The following NINL variants were observed in gnomAD, a reference collection of about 807,000 sequenced individuals.
NINL encodes ninein-like protein.
Under a neutral mutation model 160.3 loss-of-function variants are expected in NINL, and 153 were observed. That is an observed-to-expected ratio of 0.95 (90% CI 0.84 to 1.09). The LOEUF (loss-of-function observed/expected upper bound fraction) is 1.09. NINL is among the 50% of genes least tolerant of loss of function. The pLI is 0.00. For synonymous variants in NINL, 800 were observed against 734.8 expected (o/e 1.09, Z -1.43); for missense variants, 1,829 against 1,764.0 (o/e 1.04, Z -0.66).
chr20:25,468,613 T>C (rs1472165647), intron 18 of NINL, among the ~76,000 whole-genome samples: 9 of 89,970 alleles, frequency 1.0e-4, no homozygotes, highest in East Asian at 7.5e-4. Context: ...TCCTGTCCCC[T>C]GACTCTCACT....
chr20:25,474,849 G>T (rs976110106), intron 17 of NINL, among the ~76,000 whole-genome samples: 1 of 151,078 alleles, frequency 6.6e-6, no homozygotes, highest in Non-Finnish European at 1.5e-5. Flanking sequence ...GCAGTGGCGC[G>T]ATCTCAAAAC....
chr20:25,476,568 C>A lies in NINL; in HGVS notation c.2723G>T (p.Arg908Leu). The stretch of plus-strand genomic sequence containing the variant: ...CCCATCCACTCCACAGGGCTGCATG[C>A]GTGACCACCTCTCTGAGGGGCCGTG... The part of the protein sequence containing the change: ...ASHGPSERWS[R>L]MQPCGVDGDI... Residue 908 changes from arginine (R) to leucine (L), a missense_variant, in exon 17 of 24, where the codon CGC becomes CTC. By Grantham distance (102) the Arg-to-Leu change is moderately radical (BLOSUM62 -2). Coordinates refer to ENST00000278886, the MANE Select transcript of NINL (RefSeq NM_025176.6). 2 of 1,599,418 alleles carry A rather than the reference C, an allele frequency of 1.3e-6. No individual in the cohort carries two copies. The highest frequency in any genetic ancestry group is 1.7e-6 in the Non-Finnish European group (2 of 1,179,728).
chr20:25,452,810 A>AC lies in NINL; in HGVS notation c.*640dup, dbSNP rs2146242297. 7.8e-6 allele frequency: 1 copy of AC among 127,992 alleles called. No homozygotes were observed. Among genetic ancestry groups the AC allele is most frequent in the East Asian group, 4.6e-4 (1 of 2,178 alleles). The allele number at this position is 127,992 out of a possible 1,614,324, so 7.9% of individuals were successfully genotyped here. Reference sequence around the variant, plus strand: ...GCATACATTTCAAATATAAAACTATACTTTTTTTTTTTTTTACATATAGTA... The same window carrying AC: ...GCATACATTTCAAATATAAAACTATACCTTTTTTTTTTTTTTACATATAGTA... On this transcript the variant is annotated 3_prime_UTR_variant, in exon 24 of 24. Coordinates refer to ENST00000278886, the MANE Select transcript of NINL (RefSeq NM_025176.6).
chr20:25,530,704 C>T (rs563165376), intron 1 of NINL, among the ~76,000 whole-genome samples: 1 of 152,150 alleles, frequency 6.6e-6, no homozygotes, highest in South Asian at 2.1e-4. Flanking sequence ...AGCTGCAAAA[C>T]CAGCAAGTTT....
intron 1 of NINL, among the ~76,000 whole-genome samples, chr20:25,549,166 C>A (rs1600324643): frequency 9.0e-6 from 1 of 111,366 alleles, no homozygotes; most frequent in Non-Finnish European, 1.8e-5. Flanking sequence ...CTGACCCCGG[C>A]ACCCACGGCC....
At chr20:25,481,218 G>A (rs997955480) in intron 14 of NINL, among the ~76,000 whole-genome samples, 1 of 152,200 alleles carries the variant, frequency 6.6e-6, no homozygotes, top group Admixed American at 6.5e-5. Flanking sequence ...AGGTTGCCAT[G>A]ACGGGGGAGC....
chr20:25,503,809 T>C lies in NINL; in HGVS notation c.861+143A>G, dbSNP rs409401. 0.073 allele frequency: 71,069 copies of C among 967,210 alleles called. 6,199 individuals carry two copies. Among genetic ancestry groups the C allele is most frequent in the African/African-American group, 0.39 (23,908 of 61,476 alleles). The allele number at this position is 967,210 out of a possible 1,614,324, so 59.9% of individuals were successfully genotyped here. A position where few individuals can be genotyped will look rare whatever the true frequency, so the allele number is the denominator to read the frequency against. On this transcript the variant is annotated intron_variant, in intron 7 of 23. Transcript: ENST00000278886. ...AGAATCTACGTCACGTGGCCTCCCA[T>C]ATACATGCGTGTGTGCATGGCCTGT...
intron 17 of NINL, among the ~76,000 whole-genome samples, chr20:25,472,786 G>A (rs2063137940): frequency 6.6e-6 from 1 of 152,118 alleles, no homozygotes; most frequent in African/African-American, 2.4e-5. Context: ...GATTATAGGT[G>A]TGAGCCACTG....
intron 10 of NINL, among the ~76,000 whole-genome samples, chr20:25,496,141 A>G (rs2063748081): frequency 6.6e-6 from 1 of 152,170 alleles, no homozygotes; most frequent in Non-Finnish European, 1.5e-5. Context: ...GGGAGACTCC[A>G]TCTCAAAAAC....
chr20:25,539,930 C>T lies in NINL; in HGVS notation c.-11-13332G>A, dbSNP rs148775678. 1.7e-5 allele frequency: 12 copies of T among 722,696 alleles called. No homozygotes were observed. The Admixed American group carries it at 2.8e-4, about 17-fold the overall frequency. 44.8% of individuals were successfully genotyped at this position (722,696 alleles called of 1,614,324 possible). A position where few individuals can be genotyped will look rare whatever the true frequency, so the allele number is the denominator to read the frequency against. Reference sequence around the variant, plus strand: ...TTCATCCAGCACTGCCACTGCACACCCCTGCGGGTTCCCGGGGGCTCCCAG... The same window carrying T: ...TTCATCCAGCACTGCCACTGCACACTCCTGCGGGTTCCCGGGGGCTCCCAG... On this transcript the variant is annotated intron_variant, in intron 1 of 23. Transcript: ENST00000278886.
rs1172661934 is a variant in NINL at position 25,479,055 on chromosome 20, A to G, written c.2069T>C (p.Ile690Thr). 1 of 1,612,208 alleles carries G rather than the reference A, an allele frequency of 6.2e-7. No individual in the cohort carries two copies. Among genetic ancestry groups the G allele is most frequent in the Non-Finnish European group, 8.5e-7 (1 of 1,179,996 alleles). ...CTGCAGCTGCTCCTGCAGGCCCCAG[A>G]TGACCTCCTGAGACTTCTCGTGGAG... ...EELHEKSQEVIWGLQEQLQDT... is the reference protein window; with the variant it reads ...EELHEKSQEVTWGLQEQLQDT... Residue 690 changes from isoleucine (I) to threonine (T), a missense_variant, in exon 16 of 24, where the codon ATC becomes ACC. Ile to Thr is a moderately conservative substitution (Grantham distance 89). Transcript: ENST00000278886.
intron 1 of NINL, among the ~76,000 whole-genome samples, chr20:25,528,982 T>C (rs2064404150): frequency 1.3e-5 from 2 of 152,124 alleles, no homozygotes; most frequent in Non-Finnish European, 2.9e-5. Flanking sequence ...CTTGCCATCA[T>C]CCACACAGGG....
At chr20:25,523,259 T>C (rs2064296315) in intron 2 of NINL, among the ~76,000 whole-genome samples, 1 of 151,512 alleles carries the variant, frequency 6.6e-6, no homozygotes, top group Non-Finnish European at 1.5e-5. Context: ...AGAGAATATA[T>C]ATATATATAT....
At chr20:25,511,856 C>T (rs2064076073) in intron 4 of NINL, among the ~76,000 whole-genome samples, 1 of 152,194 alleles carries the variant, frequency 6.6e-6, no homozygotes, top group Non-Finnish European at 1.5e-5. Flanking sequence ...ATGTTGAAAA[C>T]AAATGGTAAA....
chr20:25,522,718 C>G (rs547937927), intron 2 of NINL, among the ~76,000 whole-genome samples: 1 of 152,354 alleles, frequency 6.6e-6, no homozygotes, highest in South Asian at 2.1e-4. Flanking sequence ...GCAGTGGGAT[C>G]AGATGGCCCA....
chr20:25,560,957 G>C (rs2064926210), intron 1 of NINL, among the ~76,000 whole-genome samples: 2 of 150,338 alleles, frequency 1.3e-5, no homozygotes, highest in Non-Finnish European at 3.0e-5. Flanking sequence ...AAGTTCTTCA[G>C]CTCTCCCTCT....
intron 22 of NINL, among the ~76,000 whole-genome samples, chr20:25,457,141 C>A (rs1020207113): frequency 1.3e-5 from 2 of 151,852 alleles, no homozygotes; most frequent in Non-Finnish European, 2.9e-5. Context: ...CTGGCCAACA[C>A]GGTGAAACCC....
chr20:25,542,225 C>T lies in NINL; in HGVS notation c.-11-15627G>A, dbSNP rs554097583. Among the ~76,000 whole-genome samples the T allele has an allele frequency of 9.2e-5, 14 of 152,240 alleles. No homozygotes were observed. The East Asian group carries it at 1.4e-3, about 15-fold the overall frequency. On this transcript the variant is annotated intron_variant, in intron 1 of 23. Transcript: ENST00000278886. ...CAGCCTTCCTGGGCTACAGAAGCTT[C>T]CCTCAAAAGCATCTATCAGAATATA...
intron 1 of NINL, among the ~76,000 whole-genome samples, chr20:25,574,935 C>T (rs180853828): frequency 8.6e-5 from 13 of 151,788 alleles, no homozygotes; most frequent in South Asian, 4.2e-4. Context: ...CAAATGATGA[C>T]GAAAAACTGC....
Sources: allele counts gnomAD v4.1 joint callset (sites outside exome capture counted in the v4.1 genomes callset), GRCh38; gene constraint gnomAD v4.1.1; transcripts MANE v1.5; gene names NCBI Gene and HGNC (gene_info 2026-07-23, HGNC 2026-07-21).